CAST: variants seen among roughly 807,000 people sequenced by gnomAD.
The protein encoded by CAST is calpastatin.
CAST carries 76 observed loss-of-function variants against 119.6 expected under a neutral mutation model. The observed-to-expected ratio is 0.64, with a 90% CI of 0.53 to 0.77. The LOEUF (loss-of-function observed/expected upper bound fraction) is 0.77. Among genes scored for constraint, CAST ranks in the 30% least tolerant of loss-of-function variants. The probability of loss-of-function intolerance (pLI) is 0.00; values close to 1 mark genes in which losing one functional copy is unlikely to be tolerated. For missense variants in CAST, 953 were observed against 946.5 expected (o/e 1.01, Z -0.09); for synonymous variants, 319 against 331.6 (o/e 0.96, Z 0.41).
At chr5:96,496,328 T>C in the CAST span, among the ~76,000 whole-genome samples, 4 of 152,242 alleles carry the variant, frequency 2.6e-5, no homozygotes. Flanking sequence ...TATTTCTTAT[T>C]GCACAGGGGT....
At chr5:96,709,385 TC>T (rs1323622560) in intron 3 of CAST, among the ~76,000 whole-genome samples, 5 of 152,202 alleles carry the variant, frequency 3.3e-5, no homozygotes, top group Non-Finnish European at 5.9e-5. Flanking sequence ...TCCCCGTGAG[TC>T]ATTCTGTCTC....
chr5:96,315,029 T>A, the CAST span, among the ~76,000 whole-genome samples: 1 of 152,170 alleles, frequency 6.6e-6, no homozygotes, highest in Non-Finnish European at 1.5e-5. Context: ...ATTTGATTGA[T>A]CTCAGGACTG....
chr5:96,569,803 C>T (rs1282111358), intron 1 of CAST, among the ~76,000 whole-genome samples: 1 of 152,232 alleles, frequency 6.6e-6, no homozygotes, highest in Non-Finnish European at 1.5e-5. Flanking sequence ...ACTTTCTCCT[C>T]AGCATTGTTT....
At chr5:96,186,641 G>A in the CAST span, among the ~76,000 whole-genome samples, 1 of 152,144 alleles carries the variant, frequency 6.6e-6, no homozygotes, top group Non-Finnish European at 1.5e-5. Flanking sequence ...TTTATATGAT[G>A]AGTCACATTT....
the CAST span, chr5:95,961,495 G>C: frequency 7.4e-7 from 1 of 1,351,512 alleles, no homozygotes; most frequent in Non-Finnish European, 9.5e-7. Context: ...CGGCTCCGCC[G>C]GCCCCGCACC....
At chr5:96,656,121 A>T (rs1748154973) in intron 1 of CAST, among the ~76,000 whole-genome samples, 1 of 152,230 alleles carries the variant, frequency 6.6e-6, no homozygotes, top group African/African-American at 2.4e-5. Flanking sequence ...ATGAAACTTC[A>T]TGTTCAAATC....
chr5:96,691,366 C>CT (rs78145758), intron 2 of CAST, among the ~76,000 whole-genome samples: 8,308 of 152,286 alleles, frequency 0.055, 561 homozygotes, highest in East Asian at 0.21. Context: ...TTCCAAGTAA[C>CT]TTAACAGTAT....
the CAST span, among the ~76,000 whole-genome samples, chr5:96,514,165 G>C: frequency 6.6e-6 from 1 of 152,276 alleles, no homozygotes; most frequent in Admixed American, 6.5e-5. Context: ...GGTATTGGGG[G>C]CTAAGGACTT....
the CAST span, among the ~76,000 whole-genome samples, chr5:95,994,771 C>T: frequency 4.6e-5 from 7 of 152,000 alleles, no homozygotes; most frequent in South Asian, 6.2e-4. Flanking sequence ...AATTTAGCTT[C>T]CAGATTCCTG....
the CAST span, among the ~76,000 whole-genome samples, chr5:96,108,352 G>GT: frequency 6.6e-6 from 1 of 152,168 alleles, no homozygotes; most frequent in East Asian, 1.9e-4. Context: ...CATCTTTGTG[G>GT]TTTTATCTAC....
the CAST span, among the ~76,000 whole-genome samples, chr5:96,317,037 G>A: frequency 6.6e-6 from 1 of 152,126 alleles, no homozygotes; most frequent in African/African-American, 2.4e-5. Context: ...AGTGAGCAAG[G>A]CCTCTGTATA....
the CAST span, among the ~76,000 whole-genome samples, chr5:96,431,496 C>G: frequency 2.0e-5 from 3 of 152,134 alleles, no homozygotes; most frequent in Non-Finnish European, 4.4e-5. Context: ...CTAAGCTAGT[C>G]TCCTCTAGAT....
the CAST span, among the ~76,000 whole-genome samples, chr5:96,266,643 A>G: frequency 2.0e-5 from 3 of 152,220 alleles, no homozygotes; most frequent in Non-Finnish European, 4.4e-5. Context: ...TAAAGAAAAA[A>G]AGAGAAAGAT....
the CAST span, among the ~76,000 whole-genome samples, chr5:96,206,844 T>C: frequency 6.6e-6 from 1 of 152,054 alleles, no homozygotes; most frequent in Admixed American, 6.6e-5. Flanking sequence ...CTGTGAAAAA[T>C]GTCGTTGGTA....
At chr5:96,559,093 C>A (rs901777722) in intron 1 of CAST, among the ~76,000 whole-genome samples, 1 of 152,064 alleles carries the variant, frequency 6.6e-6, no homozygotes, top group Non-Finnish European at 1.5e-5. Context: ...ATAAACAGAA[C>A]CAATGACAAA....
intron 1 of CAST, among the ~76,000 whole-genome samples, chr5:96,572,515 T>G (rs953203055): frequency 7.5e-6 from 1 of 133,736 alleles, no homozygotes; most frequent in African/African-American, 2.8e-5. Context: ...CTTGTGCTAT[T>G]TTTATAACAC....
intron 1 of CAST, among the ~76,000 whole-genome samples, chr5:96,562,565 A>G (rs929474318): frequency 6.6e-6 from 1 of 152,184 alleles, no homozygotes; most frequent in Non-Finnish European, 1.5e-5. Context: ...ATCATAAGCA[A>G]TTATTCTGCA....
the CAST span, among the ~76,000 whole-genome samples, chr5:96,509,801 A>G: frequency 6.6e-6 from 1 of 152,180 alleles, no homozygotes; most frequent in African/African-American, 2.4e-5. Flanking sequence ...CTCTGTATGT[A>G]TTTGTACCGT....
chr5:96,652,072 A>G (rs1211841536), intron 1 of CAST, among the ~76,000 whole-genome samples: 1 of 152,192 alleles, frequency 6.6e-6, no homozygotes, highest in Non-Finnish European at 1.5e-5. Context: ...TAAGGACCAC[A>G]ACTGGGATTC....
Sources: allele counts gnomAD v4.1 joint callset (sites outside exome capture counted in the v4.1 genomes callset), GRCh38; gene constraint gnomAD v4.1.1; transcripts MANE v1.5; gene names NCBI Gene and HGNC (gene_info 2026-07-23, HGNC 2026-07-21).